The following PRSS35 variants were observed in gnomAD, a reference collection of about 807,000 sequenced individuals.
PRSS35 encodes serine protease 35.
Under a neutral mutation model 8.1 loss-of-function variants are expected in PRSS35, and 7 were observed. The observed-to-expected ratio is 0.86, with a 90% confidence interval of 0.49 to 1.62. The LOEUF (loss-of-function observed/expected upper bound fraction) is 1.62, where lower values mean the gene tolerates loss of function less well. Among genes scored for constraint, PRSS35 ranks in the 40% most tolerant of loss-of-function variants. The pLI is 0.00. For missense variants in PRSS35, 566 were observed against 518.0 expected, an observed-to-expected ratio of 1.09 and a Z score of -0.90; for synonymous variants, 199 against 188.7, an observed-to-expected ratio of 1.05 and a Z score of -0.45.
intron 1 of PRSS35, among the ~76,000 whole-genome samples, chr6:83,522,011 G>A (rs1771830599): frequency 6.6e-6 from 1 of 152,264 alleles, no homozygotes; most frequent in East Asian, 1.9e-4. Flanking sequence ...CATCAGGGTT[G>A]ACTTTTCCCT....
At chr6:83,515,838 C>T (rs1015586201) in intron 1 of PRSS35, among the ~76,000 whole-genome samples, 9 of 146,990 alleles carry the variant, frequency 6.1e-5, no homozygotes, top group East Asian at 2.0e-4. Context: ...TTTTTTTTGA[C>T]GGAGTCTCGC....
Position 83,524,341 on chromosome 6 carries a change from G to A in PRSS35, c.900G>A (p.Lys300=), listed in dbSNP as rs759409246. The A allele has an allele frequency of 1.9e-6, 3 of 1,614,042 alleles. No individual in the cohort carries two copies. The African/African-American group carries it at 4.0e-5, about 22-fold the overall frequency. The change falls in exon 2 of 2, where the codon AAG becomes AAA. Residue 300 remains lysine (K), a synonymous_variant. Transcript: ENST00000369700. ...YMELGISPTI[K]KMPGGMIHFS... ...AACTTGGAATCAGCCCAACGATCAA[G>A]AAAATGCCTGGTGGAATGATCCACT...
Position 83,524,521 on chromosome 6 carries a change from G to T in PRSS35, c.1080G>T (p.Lys360Asn), listed in dbSNP as rs750566416. ...VYLRLKDPDK[K>N]NWKRKIIAVY... ...TGCGTCTGAAAGATCCAGACAAAAA[G>T]AATTGGAAGCGCAAAATCATTGCGG... Residue 360 changes from lysine to asparagine, a missense_variant, in exon 2 of 2, where the codon AAG (lysine) becomes AAT (asparagine). Coordinates refer to ENST00000369700, the MANE Select transcript of PRSS35 (RefSeq NM_153362.3). 8.1e-6 allele frequency: 13 copies of T among 1,614,186 alleles called. No individual in the cohort carries two copies. The highest frequency in any genetic ancestry group is 1.3e-5 in the African/African-American group (1 of 75,030).
chr6:83,517,893 C>T (rs1447020671), intron 1 of PRSS35, among the ~76,000 whole-genome samples: 1 of 152,168 alleles, frequency 6.6e-6, no homozygotes, highest in Non-Finnish European at 1.5e-5. Context: ...CTGAGTAATT[C>T]CTGACCCACA....
intron 1 of PRSS35, among the ~76,000 whole-genome samples, chr6:83,515,649 G>T (rs188623355): frequency 2.6e-5 from 4 of 152,062 alleles, no homozygotes; most frequent in African/African-American, 7.2e-5. Context: ...CCACAGGCAT[G>T]CGCCACCACA....
chr6:83,518,313 G>GT (rs371845836), intron 1 of PRSS35, among the ~76,000 whole-genome samples: 190 of 150,180 alleles, frequency 1.3e-3, no homozygotes, highest in African/African-American at 2.9e-3. Flanking sequence ...TCAAAAAGTT[G>GT]TTTTTTTTTC....
intron 1 of PRSS35, among the ~76,000 whole-genome samples, 200 bp downstream of exon 1, chr6:83,512,894 A>G (rs935029151): frequency 1.3e-5 from 2 of 152,184 alleles, no homozygotes; most frequent in African/African-American, 4.8e-5. Flanking sequence ...GTTTAATATT[A>G]ACGACAACAA....
Position 83,525,591 on chromosome 6 carries a change from T to A in PRSS35, c.*908T>A, listed in dbSNP as rs931455283. 6.0e-6 allele frequency: 1 copy of A among 167,112 alleles called. No individual in the cohort carries two copies. The highest frequency in any genetic ancestry group is 1.5e-5 in the Non-Finnish European group (1 of 68,128). The allele number at this position is 167,112 out of a possible 1,614,324, so 10.4% of individuals were successfully genotyped here. ...AATCTTTTTCAAGAAAGAGTCTTTT[T>A]CTCCTTGACAAAATCCAGCTTTTGT... On this transcript the variant is annotated 3_prime_UTR_variant, in exon 2 of 2. Coordinates refer to ENST00000369700, the MANE Select transcript of PRSS35 (RefSeq NM_153362.3).
At chr6:83,515,628 A>G (rs1771698413) in intron 1 of PRSS35, among the ~76,000 whole-genome samples, 1 of 151,924 alleles carries the variant, frequency 6.6e-6, no homozygotes, top group Non-Finnish European at 1.5e-5. Context: ...CTCAGCCCAG[A>G]GTAGCTGGGA....
chr6:83,520,450 G>C (rs1467022555), intron 1 of PRSS35, among the ~76,000 whole-genome samples: 1 of 152,168 alleles, frequency 6.6e-6, no homozygotes, highest in South Asian at 2.1e-4. Context: ...AAGTTTCCAG[G>C]TAATGCTGAA....
chr6:83,517,592 T>TTC lies in PRSS35; in HGVS notation c.-21+4904_-21+4905dup. Among the ~76,000 whole-genome samples, 4 of 152,354 alleles carry TTC rather than the reference T, an allele frequency of 2.6e-5. 1 individual carries two copies. The South Asian group carries it at 8.3e-4, about 32-fold the overall frequency. ...TGCTGTGGCCTTTTGCCTAAGCCAT[T>TTC]TCTCTCTGCAGTTATTCAGAATCAT... On this transcript the variant is annotated intron_variant, in intron 1 of 1. Coordinates refer to ENST00000369700, the MANE Select transcript of PRSS35 (RefSeq NM_153362.3).
Position 83,523,911 on chromosome 6 carries a change from T to C in PRSS35, c.470T>C (p.Ile157Thr), listed in dbSNP as rs1340866721. The change falls in exon 2 of 2, where the codon ATT becomes ACT. Residue 157 changes from isoleucine to threonine, a missense_variant. By Grantham distance (89) the Ile-to-Thr change is moderately conservative (BLOSUM62 -1). Transcript: ENST00000369700. ...AVKLSTGCSG[I>T]LISPQHVLTA... ...AAGCTTTCCACGGGCTGTAGTGGCA[T>C]TCTCATTTCCCCTCAGCATGTTCTA... The C allele has an allele frequency of 6.2e-7, 1 of 1,614,224 alleles. No homozygotes were observed. Among genetic ancestry groups the C allele is most frequent in the Non-Finnish European group, 8.5e-7 (1 of 1,180,038 alleles).
chr6:83,515,528 C>G (rs1296111533), intron 1 of PRSS35, among the ~76,000 whole-genome samples: 3 of 151,832 alleles, frequency 2.0e-5, no homozygotes, highest in African/African-American at 7.3e-5. Flanking sequence ...CAGGGTTGCC[C>G]TGTCTCATTC....
chr6:83,522,533 G>C (rs891839388), intron 1 of PRSS35, among the ~76,000 whole-genome samples: 4 of 152,086 alleles, frequency 2.6e-5, no homozygotes, highest in Non-Finnish European at 5.9e-5. Context: ...GGTGAAAAGG[G>C]ACTATATCTA....
intron 1 of PRSS35, among the ~76,000 whole-genome samples, chr6:83,519,395 G>A (rs568129): frequency 0.74 from 113,120 of 152,076 alleles, 42,320 homozygotes; most frequent in East Asian, 0.88. Context: ...GAAGGTCACA[G>A]TTATATTGGA....
At chr6:83,520,270 C>T (rs1273968723) in intron 1 of PRSS35, among the ~76,000 whole-genome samples, 4 of 152,108 alleles carry the variant, frequency 2.6e-5, no homozygotes, top group African/African-American at 9.7e-5. Flanking sequence ...GGGTATGGCT[C>T]ATGTTGCTAC....
rs1771874898 is a variant in PRSS35, at chr6:83,523,943, G to T, written c.502G>T (p.Ala168Ser). ...TTCCCCTCAGCATGTTCTAACTGCT[G>T]CCCACTGTGTTCATGATGGAAAGGA... ...LISPQHVLTA[A>S]HCVHDGKDYV... is the part of the protein sequence containing the mutation. Residue 168 changes from alanine (A) to serine (S), a missense_variant, in exon 2 of 2, where the codon GCC (alanine) becomes TCC (serine). By Grantham distance (99) the Ala-to-Ser change is moderately conservative. Transcript: ENST00000369700. 6.2e-6 allele frequency: 10 copies of T among 1,614,132 alleles called. No individual in the cohort carries two copies. In the East Asian group the frequency reaches 2.0e-4, roughly 32 times the overall value.
Position 83,523,818 on chromosome 6 carries a change from G to C in PRSS35, c.377G>C (p.Gly126Ala). ...GTTAGGAGAAAGAGACAGGTGTATG[G>C]CACCGACAGCAGGTTCAGCATCTTG... is the stretch of plus-strand genomic sequence containing the variant. ...VSVRRKRQVY[G>A]TDSRFSILDK... The change falls in exon 2 of 2, where the codon GGC (glycine) becomes GCC (alanine). Residue 126 changes from glycine to alanine, a missense_variant. Coordinates refer to ENST00000369700, the MANE Select transcript of PRSS35 (RefSeq NM_153362.3). 2 of 1,614,172 alleles carry C rather than the reference G, an allele frequency of 1.2e-6. No homozygotes were observed. Among genetic ancestry groups the C allele is most frequent in the Non-Finnish European group, 1.7e-6 (2 of 1,180,044 alleles).
Position 83,524,170 on chromosome 6 carries a change from C to G in PRSS35, c.729C>G (p.Ala243=). The change falls in exon 2 of 2, where the codon GCC becomes GCG. Residue 243 remains alanine (A), a synonymous_variant. Transcript: ENST00000369700. The part of the protein sequence containing the change: ...RKKSGRGQRI[A]EGRPSFQWTR... Reference sequence around the variant, plus strand: ...AATCTGGCCGGGGTCAGAGGATTGCCGAAGGGAGGCCTTCCTTTCAGTGGA... The same window carrying G: ...AATCTGGCCGGGGTCAGAGGATTGCGGAAGGGAGGCCTTCCTTTCAGTGGA... The G allele has an allele frequency of 1.2e-6, 2 of 1,614,014 alleles. No homozygotes were observed. Among genetic ancestry groups the G allele is most frequent in the Non-Finnish European group, 1.7e-6 (2 of 1,180,006 alleles).
Sources: allele counts gnomAD v4.1 joint callset (sites outside exome capture counted in the v4.1 genomes callset), GRCh38; gene constraint gnomAD v4.1.1; transcripts MANE v1.5; gene names NCBI Gene and HGNC (gene_info 2026-07-23, HGNC 2026-07-21).